The following HOMER1 variants were observed in gnomAD, a reference collection of about 807,000 sequenced individuals.
HOMER1 encodes homer protein homolog 1.
Under a neutral mutation model 48.9 loss-of-function variants are expected in HOMER1, and 3 were observed. The ratio of observed to expected loss-of-function variants is 0.06; its 90% CI spans 0.03 to 0.16. HOMER1 has a LOEUF of 0.16. Among genes scored for constraint, HOMER1 ranks in the 10% least tolerant of loss-of-function variants. The probability of loss-of-function intolerance (pLI) is 1.00; values close to 1 mark genes in which losing one functional copy is unlikely to be tolerated. For synonymous variants in HOMER1, 134 were observed against 146.4 expected (o/e 0.92, Z 0.61); for missense variants, 247 against 411.4 (o/e 0.60, Z 3.46).
chr5:79,467,867 C>G (rs926472958), intron 1 of HOMER1, among the ~76,000 whole-genome samples: 4 of 152,158 alleles, frequency 2.6e-5, no homozygotes, highest in African/African-American at 4.8e-5. Context: ...GCCTTGACCT[C>G]TCAGGCTCAA....
intron 4 of HOMER1, among the ~76,000 whole-genome samples, chr5:79,444,229 C>T (rs1216331915): frequency 6.6e-6 from 1 of 152,082 alleles, no homozygotes; most frequent in Non-Finnish European, 1.5e-5. Context: ...AAAACAGACA[C>T]ATTAGATATT....
intron 5 of HOMER1, among the ~76,000 whole-genome samples, chr5:79,406,702 T>C (rs891989313): frequency 3.3e-5 from 5 of 152,212 alleles, no homozygotes; most frequent in African/African-American, 1.2e-4. Flanking sequence ...AGACCTGTTA[T>C]GGCTGGGGGC....
intron 1 of HOMER1, among the ~76,000 whole-genome samples, chr5:79,468,760 A>C (rs1751543261): frequency 6.6e-6 from 1 of 152,228 alleles, no homozygotes; most frequent in Non-Finnish European, 1.5e-5. Flanking sequence ...GGTACAGGTC[A>C]CAGCACCTGT....
intron 8 of HOMER1, among the ~76,000 whole-genome samples, chr5:79,387,101 T>TCTCTCTC (rs1580416137): frequency 8.1e-6 from 1 of 124,132 alleles, no homozygotes; most frequent in East Asian, 3.1e-4. Flanking sequence ...CTCTCTCTCT[T>TCTCTCTC]TCTTTCACAA....
At chr5:79,502,957 A>AT (rs766162349) in intron 1 of HOMER1, among the ~76,000 whole-genome samples, 2 of 149,596 alleles carry the variant, frequency 1.3e-5, no homozygotes, top group South Asian at 2.1e-4. Context: ...CGCCCGGCTA[A>AT]TTTTTTGTAT....
At chr5:79,401,848 C>T (rs1440388220) in intron 6 of HOMER1, 51 bp downstream of exon 6, 1 of 1,571,030 alleles carries the variant, frequency 6.4e-7, no homozygotes, top group East Asian at 2.2e-5. Context: ...TTCTTCTGAT[C>T]AAGAAAACCT....
chr5:79,489,961 C>T (rs755160523), intron 1 of HOMER1, among the ~76,000 whole-genome samples: 1 of 152,172 alleles, frequency 6.6e-6, no homozygotes, highest in Non-Finnish European at 1.5e-5. Context: ...GACTTGTAAC[C>T]TCTAGCAGAA....
At chr5:79,479,777 A>G (rs1751894449) in intron 1 of HOMER1, among the ~76,000 whole-genome samples, 1 of 152,078 alleles carries the variant, frequency 6.6e-6, no homozygotes, top group South Asian at 2.1e-4. Flanking sequence ...GTTAAAATCT[A>G]TCAACTCTCT....
rs867268820 is a variant in HOMER1, at chr5:79,459,285, G to C, written c.6-2267C>G. The stretch of plus-strand genomic sequence containing the variant: ...CCAATCAACAAATCCTTACTCAATG[G>C]AAATGCAATGTTTTCAGTACGGTAA... On this transcript the variant is annotated intron_variant, in intron 1 of 8. Coordinates refer to ENST00000334082, the MANE Select transcript of HOMER1 (RefSeq NM_004272.5). Among the ~76,000 whole-genome samples, 6 of 152,188 alleles carry C rather than the reference G, an allele frequency of 3.9e-5. 1 individual carries two copies. The highest frequency in any genetic ancestry group is 7.2e-5 in the African/African-American group (3 of 41,524).
At chr5:79,450,774 CCTT>C (rs1751006881) in intron 3 of HOMER1, among the ~76,000 whole-genome samples, 2 of 152,328 alleles carry the variant, frequency 1.3e-5, no homozygotes, top group South Asian at 4.1e-4. Context: ...CCACATAAAT[CCTT>C]CTCAACCAAT....
At chr5:79,493,028 C>T (rs1407097705) in intron 1 of HOMER1, among the ~76,000 whole-genome samples, 3 of 148,542 alleles carry the variant, frequency 2.0e-5, no homozygotes, top group Admixed American at 6.9e-5. Context: ...AAGCAATTCT[C>T]GTGCCTCAGT....
chr5:79,499,019 A>G (rs1314870455), intron 1 of HOMER1, among the ~76,000 whole-genome samples: 4 of 151,968 alleles, frequency 2.6e-5, no homozygotes, highest in African/African-American at 9.7e-5. Flanking sequence ...TATTTTTAGT[A>G]GAGACGGGGT....
intron 5 of HOMER1, among the ~76,000 whole-genome samples, chr5:79,409,915 T>C (rs142125341): frequency 1.3e-5 from 2 of 152,234 alleles, no homozygotes; most frequent in African/African-American, 4.8e-5. Flanking sequence ...AGTACGCTGT[T>C]GGTAGGAATG....
chr5:79,464,303 G>A (rs942198427), intron 1 of HOMER1, among the ~76,000 whole-genome samples: 1 of 152,026 alleles, frequency 6.6e-6, no homozygotes, highest in African/African-American at 2.4e-5. Flanking sequence ...TCCAATTCCC[G>A]ACAAAAACAT....
At chr5:79,500,472 A>G (rs1043041631) in intron 1 of HOMER1, among the ~76,000 whole-genome samples, 6 of 152,162 alleles carry the variant, frequency 3.9e-5, no homozygotes, top group African/African-American at 1.4e-4. Context: ...ACTGAGGAGA[A>G]AGGATATTTG....
chr5:79,414,620 C>A (rs1417729729), intron 5 of HOMER1, among the ~76,000 whole-genome samples: 1 of 152,094 alleles, frequency 6.6e-6, no homozygotes, highest in Non-Finnish European at 1.5e-5. Flanking sequence ...CTCAAATGAT[C>A]CTCCTGCTTC....
intron 8 of HOMER1, among the ~76,000 whole-genome samples, chr5:79,383,447 G>A (rs1402450642): frequency 1.3e-5 from 2 of 149,898 alleles, no homozygotes; most frequent in Admixed American, 6.7e-5. Context: ...GTGCAGTGGT[G>A]CGATCTCAGC....
chr5:79,421,161 G>C (rs956614382), intron 5 of HOMER1, among the ~76,000 whole-genome samples: 1 of 152,082 alleles, frequency 6.6e-6, no homozygotes, highest in African/African-American at 2.4e-5. Flanking sequence ...AACTATTAGG[G>C]CAATATTTTG....
intron 1 of HOMER1, among the ~76,000 whole-genome samples, chr5:79,501,215 C>A (rs140626680): frequency 6.6e-6 from 1 of 152,246 alleles, no homozygotes; most frequent in African/African-American, 2.4e-5. Flanking sequence ...AAGCCATCTG[C>A]CTGCCTGGGC....
Sources: allele counts gnomAD v4.1 joint callset (sites outside exome capture counted in the v4.1 genomes callset), GRCh38; gene constraint gnomAD v4.1.1; transcripts MANE v1.5; gene names NCBI Gene and HGNC (gene_info 2026-07-23, HGNC 2026-07-21).